The following RBFOX1 variants were observed in gnomAD, a reference collection of about 807,000 sequenced individuals.
The protein encoded by RBFOX1 is RNA binding protein fox-1 homolog 1.
RBFOX1 carries 8 observed loss-of-function variants against 57.7 expected under a neutral mutation model. The observed-to-expected ratio is 0.14, with a 90% CI of 0.08 to 0.25. The LOEUF (loss-of-function observed/expected upper bound fraction) is 0.25, where lower values mean the gene tolerates loss of function less well. Ranked by LOEUF, RBFOX1 falls within the 10% of genes least tolerant of loss-of-function variation. The probability of loss-of-function intolerance (pLI) is 1.00; values close to 1 mark genes in which losing one functional copy is unlikely to be tolerated. For synonymous variants in RBFOX1, 326 were observed against 222.4 expected (o/e 1.47, Z -4.15); for missense variants, 611 against 548.5 (o/e 1.11, Z -1.14).
intron 3 of RBFOX1, among the ~76,000 whole-genome samples, chr16:6,796,126 A>C (rs990146897): frequency 6.6e-6 from 1 of 152,156 alleles, no homozygotes; most frequent in African/African-American, 2.4e-5. Flanking sequence ...GTCATGGCGG[A>C]AGGTGAAAGG....
At chr16:5,508,254 C>T (rs994914503) in intron 2 of RBFOX1, among the ~76,000 whole-genome samples, 2 of 152,298 alleles carry the variant, frequency 1.3e-5, no homozygotes, top group South Asian at 2.1e-4. Flanking sequence ...ATCTGAGGCT[C>T]GTCTGGGTGG....
chr16:7,415,306 A>C (rs1430015559), intron 4 of RBFOX1, among the ~76,000 whole-genome samples: 1 of 152,210 alleles, frequency 6.6e-6, no homozygotes, highest in Non-Finnish European at 1.5e-5. Flanking sequence ...TTATAATCCA[A>C]GATAAATCCA....
At chr16:7,387,863 G>A (rs2097911156) in intron 4 of RBFOX1, among the ~76,000 whole-genome samples, 1 of 151,998 alleles carries the variant, frequency 6.6e-6, no homozygotes, top group South Asian at 2.1e-4. Context: ...TTATTTTAAT[G>A]TGCTAATTTC....
chr16:6,587,191 C>G (rs970409051), intron 2 of RBFOX1, among the ~76,000 whole-genome samples: 13 of 152,164 alleles, frequency 8.5e-5, no homozygotes, highest in Non-Finnish European at 1.6e-4. Flanking sequence ...TCCCCTCTCT[C>G]CGCACTGGTA....
At chr16:5,472,882 C>A (rs779650179) in intron 2 of RBFOX1, among the ~76,000 whole-genome samples, 5 of 152,196 alleles carry the variant, frequency 3.3e-5, no homozygotes, top group Non-Finnish European at 7.3e-5. Context: ...TCCAGAGGAA[C>A]TCAGGTTGTC....
intron 3 of RBFOX1, among the ~76,000 whole-genome samples, chr16:6,824,527 G>T (rs1378577398): frequency 1.3e-5 from 2 of 152,066 alleles, no homozygotes; most frequent in African/African-American, 4.8e-5. Flanking sequence ...AAATTAACAT[G>T]TTGAGTATAT....
At chr16:5,381,457 G>T (rs1010299956) in intron 1 of RBFOX1, among the ~76,000 whole-genome samples, 8 of 152,206 alleles carry the variant, frequency 5.3e-5, no homozygotes, top group African/African-American at 1.9e-4. Flanking sequence ...CACTCAGTAG[G>T]TCTGGGGCAG....
chr16:5,374,925 G>A (rs2065947075), intron 1 of RBFOX1, among the ~76,000 whole-genome samples: 1 of 151,794 alleles, frequency 6.6e-6, no homozygotes, highest in African/African-American at 2.4e-5. Flanking sequence ...AAGGCTTAAT[G>A]TGTTTACTAT....
chr16:7,263,086 A>G, intron 4 of RBFOX1, among the ~76,000 whole-genome samples: 1 of 152,182 alleles, frequency 6.6e-6, no homozygotes, highest in East Asian at 1.9e-4. Context: ...CAACCTCTGA[A>G]TAGCCCTTAT....
intron 3 of RBFOX1, among the ~76,000 whole-genome samples, chr16:5,792,978 G>T (rs2054751746): frequency 6.6e-6 from 1 of 152,218 alleles, no homozygotes; most frequent in African/African-American, 2.4e-5. Flanking sequence ...GGTTTATCTT[G>T]CTGTCTCTGG....
At chr16:6,177,445 A>AGGT (rs1290015748) in intron 1 of RBFOX1, among the ~76,000 whole-genome samples, 2 of 151,808 alleles carry the variant, frequency 1.3e-5, no homozygotes, top group Non-Finnish European at 2.9e-5. Context: ...GGGGTAGAGG[A>AGGT]GGTGGTGTGC....
intron 2 of RBFOX1, among the ~76,000 whole-genome samples, chr16:6,366,256 A>G (rs570280578): frequency 6.6e-6 from 1 of 152,144 alleles, no homozygotes; most frequent in Non-Finnish European, 1.5e-5. Context: ...TCTGGAAGGT[A>G]TATATCTTGT....
chr16:5,630,144 G>A (rs1277524637), intron 3 of RBFOX1, among the ~76,000 whole-genome samples: 3 of 152,196 alleles, frequency 2.0e-5, no homozygotes, highest in Non-Finnish European at 4.4e-5. Context: ...TTCTGCAGGA[G>A]TAGAGATCAA....
At chr16:6,394,226 A>G (rs1307333094) in intron 2 of RBFOX1, among the ~76,000 whole-genome samples, 1 of 152,192 alleles carries the variant, frequency 6.6e-6, no homozygotes, top group Non-Finnish European at 1.5e-5. Context: ...AATCTGCTTA[A>G]TTTCATAGTG....
intron 5 of RBFOX1, among the ~76,000 whole-genome samples, chr16:7,577,500 T>C (rs2093429865): frequency 6.6e-6 from 1 of 152,250 alleles, no homozygotes; most frequent in Admixed American, 6.5e-5. Context: ...CATCTCCCAC[T>C]TAACGTTTAA....
intron 11 of RBFOX1, among the ~76,000 whole-genome samples, chr16:7,650,774 T>C (rs2064878447): frequency 6.6e-6 from 1 of 152,248 alleles, no homozygotes; most frequent in Non-Finnish European, 1.5e-5. Context: ...TTTTTCATTT[T>C]CTTTATTTCA....
At chr16:7,352,253 T>C (rs1265303688) in intron 4 of RBFOX1, among the ~76,000 whole-genome samples, 3 of 152,178 alleles carry the variant, frequency 2.0e-5, no homozygotes, top group African/African-American at 7.2e-5. Context: ...GATACAGCTG[T>C]GCAGTGTAAC....
chr16:6,270,255 A>C (rs1401976052), intron 1 of RBFOX1, among the ~76,000 whole-genome samples: 1 of 152,176 alleles, frequency 6.6e-6, no homozygotes, highest in Non-Finnish European at 1.5e-5. Context: ...ATTAAATGGC[A>C]ATGGCCTATA....
chr16:7,267,263 G>T (rs781153027), intron 4 of RBFOX1, among the ~76,000 whole-genome samples: 1 of 152,166 alleles, frequency 6.6e-6, no homozygotes, highest in South Asian at 2.1e-4. Flanking sequence ...AGCTGGGCAC[G>T]GTGGCTCATG....
Sources: allele counts gnomAD v4.1 joint callset (sites outside exome capture counted in the v4.1 genomes callset), GRCh38; gene constraint gnomAD v4.1.1; transcripts MANE v1.5; gene names NCBI Gene and HGNC (gene_info 2026-07-23, HGNC 2026-07-21).